Variants in DTNB observed in about 807,000 individuals in gnomAD.
DTNB encodes the protein DTN-B.
Under a neutral mutation model 90.7 loss-of-function variants are expected in DTNB, and 63 were observed. The observed-to-expected ratio is 0.69, with a 90% confidence interval of 0.57 to 0.86. The LOEUF is 0.86. DTNB is among the 40% of genes least tolerant of loss of function. The pLI, the probability that DTNB is intolerant of heterozygous loss-of-function variation, is 0.00. For synonymous variants in DTNB, 277 were observed against 286.7 expected, an observed-to-expected ratio of 0.97 and a Z score of 0.34; for missense variants, 744 against 807.1, an observed-to-expected ratio of 0.92 and a Z score of 0.95.
Position 25,639,157 on chromosome 2 carries a change from A to C in DTNB, c.68-63T>G. The stretch of plus-strand genomic sequence containing the variant: ...CCATTTAGTTTCCAAACGCTAGGAA[A>C]TGACTCCATTCTATTGTATTGTCAT... On this transcript the variant is annotated intron_variant, in intron 2 of 20. Coordinates refer to ENST00000406818, the MANE Select transcript of DTNB (RefSeq NM_021907.5). 3 of 1,468,558 alleles carry C rather than the reference A, an allele frequency of 2.0e-6. No individual in the cohort carries two copies. The South Asian group carries it at 3.8e-5, about 19-fold the overall frequency. 91.0% of individuals were successfully genotyped at this position (1,468,558 alleles called of 1,614,324 possible).
intron 10 of DTNB, among the ~76,000 whole-genome samples, chr2:25,469,447 A>G (rs1396882173): frequency 6.6e-6 from 1 of 152,106 alleles, no homozygotes; most frequent in Non-Finnish European, 1.5e-5. Flanking sequence ...TCATTCATTC[A>G]TTCACTTACT....
At chr2:25,381,835 G>C (rs1014708197) in intron 19 of DTNB, among the ~76,000 whole-genome samples, 1 of 152,152 alleles carries the variant, frequency 6.6e-6, no homozygotes, top group African/African-American at 2.4e-5. Flanking sequence ...GCAATTTCAG[G>C]GTCCTTGCTG....
intron 4 of DTNB, among the ~76,000 whole-genome samples, chr2:25,619,240 T>C (rs2071719005): frequency 6.6e-6 from 1 of 152,206 alleles, no homozygotes; most frequent in Non-Finnish European, 1.5e-5. Context: ...AACCACAAAT[T>C]TCTCACACGG....
At chr2:25,493,183 G>T (rs1009427634) in intron 9 of DTNB, among the ~76,000 whole-genome samples, 3 of 152,076 alleles carry the variant, frequency 2.0e-5, no homozygotes, top group Admixed American at 2.0e-4. Context: ...TGTGAAAGGG[G>T]GAAAGAATTT....
At chr2:25,412,119 T>C (rs1377509285) in intron 16 of DTNB, among the ~76,000 whole-genome samples, 5 of 152,212 alleles carry the variant, frequency 3.3e-5, no homozygotes, top group Non-Finnish European at 5.9e-5. Context: ...CTCTTAAACT[T>C]ACAAAGTTAG....
chr2:25,627,977 T>C (rs113535190), intron 4 of DTNB, among the ~76,000 whole-genome samples, 194 bp downstream of exon 4: 5,193 of 152,178 alleles, frequency 0.034, 109 homozygotes, highest in Non-Finnish European at 0.054. Context: ...ACCTTGTGAT[T>C]TGCCCTCCTT....
intron 9 of DTNB, among the ~76,000 whole-genome samples, chr2:25,488,123 A>G (rs1032554170): frequency 1.3e-5 from 2 of 152,156 alleles, no homozygotes; most frequent in Non-Finnish European, 2.9e-5. Context: ...CATAATATAT[A>G]AATATATCAT....
intron 5 of DTNB, among the ~76,000 whole-genome samples, chr2:25,597,797 A>AT (rs2064953496): frequency 6.6e-6 from 1 of 152,236 alleles, no homozygotes; most frequent in African/African-American, 2.4e-5. Context: ...GTTTAGAACC[A>AT]TAACAGAGAA....
At chr2:25,518,505 A>G (rs1249569706) in intron 9 of DTNB, among the ~76,000 whole-genome samples, 3 of 152,058 alleles carry the variant, frequency 2.0e-5, no homozygotes, top group Non-Finnish European at 4.4e-5. Context: ...TCACACACAC[A>G]CACAGAGGTA....
intron 10 of DTNB, among the ~76,000 whole-genome samples, chr2:25,471,689 A>G (rs953571980): frequency 7.2e-5 from 11 of 152,220 alleles, no homozygotes; most frequent in African/African-American, 2.7e-4. Flanking sequence ...GGCGTGAGCC[A>G]CCGCATCTGG....
intron 3 of DTNB, among the ~76,000 whole-genome samples, chr2:25,634,409 A>AGCCGC (rs2076648272): frequency 7.1e-6 from 1 of 141,308 alleles, no homozygotes; most frequent in Non-Finnish European, 1.5e-5. Flanking sequence ...CCGCCCGGCC[A>AGCCGC]CCCGCCCCGT....
chr2:25,383,683 C>T (rs1331441744), intron 19 of DTNB, 153 bp downstream of exon 19: 1 of 1,508,404 alleles, frequency 6.6e-7, no homozygotes, highest in African/African-American at 1.4e-5. Context: ...TAAAACCTGA[C>T]TGTCAGATGG....
In DTNB at chr2:25,496,200, T is replaced by A. The variant is rs115238464; in HGVS notation, c.1002-13327A>T. Among the ~76,000 whole-genome samples the A allele has an allele frequency of 6.1e-3, 931 of 152,314 alleles. 14 individuals carry two copies. Among genetic ancestry groups the A allele is most frequent in the African/African-American group, 0.021 (891 of 41,570 alleles). ...TATCATCATTATGTTGAAAAAGCAG[T>A]CGAGAGTCTTATAAACCGGATCATC... On this transcript the variant is annotated intron_variant, in intron 9 of 20. Coordinates refer to ENST00000406818, the MANE Select transcript of DTNB (RefSeq NM_021907.5).
intron 9 of DTNB, among the ~76,000 whole-genome samples, chr2:25,526,373 A>AAATATATATT (rs1558883867): frequency 2.1e-5 from 1 of 47,476 alleles, no homozygotes; most frequent in Non-Finnish European, 3.6e-5. Context: ...ATATATATAT[A>AAATATATATT]TATATATATA....
At chr2:25,643,993 C>T (rs1031471397) in intron 2 of DTNB, among the ~76,000 whole-genome samples, 10 of 152,214 alleles carry the variant, frequency 6.6e-5, no homozygotes, top group Non-Finnish European at 1.0e-4. Context: ...GTGGTCCTCA[C>T]TGCTATACTC....
chr2:25,579,510 G>A (rs1281686361), intron 7 of DTNB, among the ~76,000 whole-genome samples: 1 of 152,138 alleles, frequency 6.6e-6, no homozygotes, highest in Non-Finnish European at 1.5e-5. Context: ...AGAGAGGGAA[G>A]GTTACTAGAA....
At chr2:25,422,667 G>A (rs909425925) in intron 15 of DTNB, among the ~76,000 whole-genome samples, 2 of 151,798 alleles carry the variant, frequency 1.3e-5, no homozygotes, top group African/African-American at 4.8e-5. Context: ...CAAAGTGTTG[G>A]GATTATAGGC....
chr2:25,497,616 A>C (rs1481797138), intron 9 of DTNB: 1 of 152,230 alleles, frequency 6.6e-6, no homozygotes, highest in African/African-American at 2.4e-5. Context: ...CAGCTCCTTA[A>C]TTCATAAAGG....
At chr2:25,396,502 C>T (rs947678922) in intron 16 of DTNB, among the ~76,000 whole-genome samples, 2 of 148,940 alleles carry the variant, frequency 1.3e-5, no homozygotes, top group African/African-American at 5.0e-5. Flanking sequence ...CAGAGCAAGA[C>T]ACTGTCTCAG....
Sources: allele counts gnomAD v4.1 joint callset (sites outside exome capture counted in the v4.1 genomes callset), GRCh38; gene constraint gnomAD v4.1.1; transcripts MANE v1.5; gene names NCBI Gene and HGNC (gene_info 2026-07-23, HGNC 2026-07-21).